KDM5A: variants seen among roughly 807,000 people sequenced by gnomAD.
KDM5A encodes the protein lysine-specific demethylase 5A.
In KDM5A, 42 loss-of-function variants were observed where a neutral mutation model predicts 193.5. That is an observed-to-expected ratio of 0.22 (90% confidence interval 0.17 to 0.28). KDM5A has a LOEUF of 0.28. KDM5A is among the 10% of genes least tolerant of loss of function. The pLI is 1.00. For missense variants in KDM5A, 1,692 were observed against 2,055.1 expected, an observed-to-expected ratio of 0.82 and a Z score of 3.42; for synonymous variants, 796 against 718.1, an observed-to-expected ratio of 1.11 and a Z score of -1.73.
chr12:371,459 TG>T (rs770561348), intron 3 of KDM5A, among the ~76,000 whole-genome samples: 22 of 112,856 alleles, frequency 1.9e-4, no homozygotes, highest in Non-Finnish European at 3.3e-4. Flanking sequence ...ATGATGGGGT[TG>T]TTTTTTTCTC....
Position 308,600 on chromosome 12 carries a change from T to G in KDM5A, c.3379-595A>C, listed in dbSNP as rs554893021. 5.9e-5 allele frequency among the ~76,000 whole-genome samples: 9 copies of G among 152,364 alleles called. No homozygotes were observed. The South Asian group carries it at 1.9e-3, about 32-fold the overall frequency. ...CAACAGAGTTTTATGAAACTCATTT[T>G]AACAAAGTAAATAAAGGCAAACAAA... On this transcript the variant is annotated intron_variant, in intron 22 of 27. Coordinates refer to ENST00000399788, the MANE Select transcript of KDM5A (RefSeq NM_001042603.3).
chr12:379,131 C>G (rs1388139193), intron 3 of KDM5A, among the ~76,000 whole-genome samples: 1 of 151,756 alleles, frequency 6.6e-6, no homozygotes, highest in Non-Finnish European at 1.5e-5. Flanking sequence ...AATTTGCTTC[C>G]CATCAAAAAG....
rs556879563 is a variant in KDM5A at position 350,594 on chromosome 12, T to TA, written c.1308+26dup. 3.4e-4 allele frequency: 550 copies of TA among 1,613,408 alleles called. 1 individual carries two copies. The African/African-American group carries it at 5.7e-3, about 17-fold the overall frequency. On this transcript the variant is annotated intron_variant, in intron 10 of 27. Coordinates refer to ENST00000399788, the MANE Select transcript of KDM5A (RefSeq NM_001042603.3). ...TGCAAAAGCTAAATCAGCTTGGGGG[T>TA]AAGCAAAAGTTTGGATAAATCTGCA...
At chr12:341,215 A>C (rs537733632) in intron 10 of KDM5A, among the ~76,000 whole-genome samples, 2 of 152,322 alleles carry the variant, frequency 1.3e-5, no homozygotes, top group African/African-American at 4.8e-5. Flanking sequence ...ACTACCTTCC[A>C]TTTGCCAATG....
chr12:388,354 C>T (rs1436958279), intron 1 of KDM5A: 10 of 450,868 alleles, frequency 2.2e-5, no homozygotes, highest in Middle Eastern at 7.4e-4. Context: ...CTTCCACCTC[C>T]ACTATAAACC....
intron 1 of KDM5A, among the ~76,000 whole-genome samples, chr12:386,423 G>A (rs1249724740): frequency 6.6e-6 from 1 of 152,198 alleles, no homozygotes; most frequent in Non-Finnish European, 1.5e-5. Flanking sequence ...ACAATTTGTG[G>A]TTGTCTGGCA....
rs149514727 is a variant in KDM5A at position 333,787 on chromosome 12, C to G, written c.1491-138G>C. The G allele has an allele frequency of 1.6e-4, 129 of 814,468 alleles. 1 individual carries two copies. In the African/African-American group the frequency reaches 2.0e-3, roughly 13 times the overall value. 50.5% of individuals were successfully genotyped at this position (814,468 alleles called of 1,614,324 possible). A position where few individuals can be genotyped will look rare whatever the true frequency, so the allele number is the denominator to read the frequency against. ...ATATGCCCTGAATTCTGGCAACCAT[C>G]TTATAAACCTGTGCTGTTGTTCACA... On this transcript the variant is annotated intron_variant, in intron 11 of 27. Transcript: ENST00000399788.
chr12:332,471 C>G (rs1338638007), intron 12 of KDM5A, among the ~76,000 whole-genome samples: 1 of 152,058 alleles, frequency 6.6e-6, no homozygotes, highest in Non-Finnish European at 1.5e-5. Context: ...AACAAAGTAA[C>G]ATTATAAATG....
chr12:284,066 G>T lies in KDM5A; in HGVS notation c.*1390C>A, dbSNP rs552347744. 1.1e-4 allele frequency: 26 copies of T among 232,562 alleles called. No individual in the cohort carries two copies. The highest frequency in any genetic ancestry group is 5.5e-4 in the African/African-American group (25 of 45,302). The allele number at this position is 232,562 out of a possible 1,614,324, so 14.4% of individuals were successfully genotyped here. A position where few individuals can be genotyped will look rare whatever the true frequency, so the allele number is the denominator to read the frequency against. On this transcript the variant is annotated 3_prime_UTR_variant, in exon 28 of 28. Transcript: ENST00000399788. ...CTATATGAACAAAAGCAAAATGGAA[G>T]ATCTGGTCAGGCTGGGATGGAGGAG...
chr12:341,987 T>G (rs1036786782), intron 10 of KDM5A, among the ~76,000 whole-genome samples: 4 of 150,646 alleles, frequency 2.7e-5, no homozygotes, highest in Admixed American at 2.6e-4. Context: ...AAATCAACCA[T>G]AGCAATAATT....
At chr12:347,626 C>T (rs1288940109) in intron 10 of KDM5A, among the ~76,000 whole-genome samples, 1 of 152,084 alleles carries the variant, frequency 6.6e-6, no homozygotes, top group Non-Finnish European at 1.5e-5. Flanking sequence ...ACAACCATCT[C>T]ATCTTTGACA....
rs778581633 is a variant in KDM5A, at chr12:389,206, A to G, written c.-115T>C. On this transcript the variant is annotated 5_prime_UTR_variant, in exon 1 of 28. Transcript: ENST00000399788. Reference sequence around the variant, plus strand: ...CAGAGGCCGAAGCGCATCTTCGCGGACAAGAACCGTTCAACACAGAAACCC... The same window carrying G: ...CAGAGGCCGAAGCGCATCTTCGCGGGCAAGAACCGTTCAACACAGAAACCC... The G allele has an allele frequency of 8.1e-6, 8 of 991,204 alleles. No individual in the cohort carries two copies. The highest frequency in any genetic ancestry group is 1.3e-5 in the Non-Finnish European group (8 of 620,900). The allele number at this position is 991,204 out of a possible 1,614,324, so 61.4% of individuals were successfully genotyped here.
chr12:326,010 T>C (rs1034599739), intron 14 of KDM5A, among the ~76,000 whole-genome samples: 3 of 152,114 alleles, frequency 2.0e-5, no homozygotes, highest in Admixed American at 1.3e-4. Context: ...TGAGATTCCA[T>C]CTCAAAAAAA....
chr12:332,205 A>G (rs770260797), intron 12 of KDM5A, among the ~76,000 whole-genome samples: 3 of 152,196 alleles, frequency 2.0e-5, no homozygotes, highest in Non-Finnish European at 4.4e-5. Flanking sequence ...ACGAGCTACG[A>G]GTTTCTTAAA....
At chr12:381,281 A>G (rs562991309) in intron 3 of KDM5A, among the ~76,000 whole-genome samples, 1 of 152,030 alleles carries the variant, frequency 6.6e-6, no homozygotes, top group African/African-American at 2.4e-5. Flanking sequence ...GGCATGAGCC[A>G]CCGTGCCCGG....
intron 5 of KDM5A, among the ~76,000 whole-genome samples, chr12:361,626 A>G (rs556529921): frequency 1.3e-5 from 2 of 152,288 alleles, no homozygotes; most frequent in South Asian, 4.1e-4. Flanking sequence ...AATTGGGGCA[A>G]CTCTTCAAAG....
At chr12:323,341 T>C in intron 15 of KDM5A, 135 bp from the exon 16 acceptor site, 1 of 1,121,280 alleles carries the variant, frequency 8.9e-7, no homozygotes, top group Non-Finnish European at 1.3e-6. Context: ...AATGGGATCT[T>C]AGTTCACATA....
intron 24 of KDM5A, among the ~76,000 whole-genome samples, chr12:298,403 C>CA (rs1343873181): frequency 1.3e-5 from 2 of 152,206 alleles, no homozygotes; most frequent in African/African-American, 2.4e-5. Flanking sequence ...CCCAGGCAAA[C>CA]AAGAGTCTGG....
chr12:383,914 A>T, intron 3 of KDM5A, 117 bp downstream of exon 3: 2 of 1,092,048 alleles, frequency 1.8e-6, no homozygotes, highest in Non-Finnish European at 2.8e-6. Flanking sequence ...ATACCCAGCT[A>T]GTGCATTTCA....
Sources: gnomAD v4.1 joint callset for allele counts (sites outside exome capture counted in the v4.1 genomes callset) on GRCh38, gnomAD v4.1.1 for gene constraint, MANE v1.5 for transcripts, NCBI Gene and HGNC (gene_info 2026-07-23, HGNC 2026-07-21) for gene names.